The following SLC30A9 variants were observed in gnomAD, a reference collection of about 807,000 sequenced individuals.
The protein encoded by SLC30A9 is solute carrier family 30 member 9.
Under a neutral mutation model 87.5 loss-of-function variants are expected in SLC30A9, and 58 were observed. That is an observed-to-expected ratio of 0.66 (90% CI 0.54 to 0.82). The LOEUF is 0.82. Among genes scored for constraint, SLC30A9 ranks in the 40% least tolerant of loss-of-function variants. SLC30A9 has a pLI of 0.00. For missense variants in SLC30A9, 557 were observed against 679.1 expected (o/e 0.82, Z 2.00); for synonymous variants, 234 against 233.0 (o/e 1.00, Z -0.04).
At chr4:42,023,422 A>T in intron 6 of SLC30A9, 38 bp downstream of exon 6, 5 of 1,326,062 alleles carry the variant, frequency 3.8e-6, no homozygotes, top group Non-Finnish European at 5.4e-6. Flanking sequence ...TAATTGAAAA[A>T]TAACTTGTAG....
At chr4:42,030,138 C>G (rs1716362708) in intron 6 of SLC30A9, 1 of 887,006 alleles carries the variant, frequency 1.1e-6, no homozygotes, top group African/African-American at 1.7e-5. Flanking sequence ...AAGCACAAAT[C>G]TTTCCCGCTA....
rs966806163 is a variant in SLC30A9, at chr4:42,033,810, T to C, written c.611-1465T>C. On this transcript the variant is annotated intron_variant, in intron 6 of 17. Coordinates refer to ENST00000264451, the MANE Select transcript of SLC30A9 (RefSeq NM_006345.4). ...CAGGATGGTCTCGATGATCTGACCTTGTGATCCACCCGCCTTGGCCTCCCA... is the reference window on the plus strand; with the variant it reads ...CAGGATGGTCTCGATGATCTGACCTCGTGATCCACCCGCCTTGGCCTCCCA... 3.2e-4 allele frequency among the ~76,000 whole-genome samples: 48 copies of C among 152,274 alleles called. No homozygotes were observed. In the East Asian group the frequency reaches 4.1e-3, roughly 13 times the overall value.
Position 42,086,422 on chromosome 4 carries a change from C to G in SLC30A9, c.*296C>G, listed in dbSNP as rs1443618476. 1 of 254,016 alleles carries G rather than the reference C, an allele frequency of 3.9e-6. No homozygotes were observed. Among genetic ancestry groups the G allele is most frequent in the Non-Finnish European group, 7.4e-6 (1 of 134,654 alleles). The allele number at this position is 254,016 out of a possible 1,614,324, so 15.7% of individuals were successfully genotyped here. On this transcript the variant is annotated 3_prime_UTR_variant, in exon 18 of 18. Coordinates refer to ENST00000264451, the MANE Select transcript of SLC30A9 (RefSeq NM_006345.4). ...CATAATGTCCCATATTTCACCTGTT[C>G]AGTGTATACTGTACTTTGCAATCAT...
At chr4:42,077,846 C>A (rs1232375588) in intron 16 of SLC30A9, among the ~76,000 whole-genome samples, 1 of 151,608 alleles carries the variant, frequency 6.6e-6, no homozygotes, top group Non-Finnish European at 1.5e-5. Flanking sequence ...TAAAAATATT[C>A]TCTTCTCATC....
intron 2 of SLC30A9, among the ~76,000 whole-genome samples, chr4:42,007,371 C>T (rs1433255151): frequency 6.6e-6 from 1 of 152,044 alleles, no homozygotes; most frequent in Non-Finnish European, 1.5e-5. Context: ...TTATAGGTGC[C>T]TATGGAAGGT....
At chr4:42,005,207 G>A (rs2581449) in intron 2 of SLC30A9, among the ~76,000 whole-genome samples, 98,499 of 151,910 alleles carry the variant, frequency 0.65, 36,037 homozygotes, top group East Asian at 0.96. Context: ...TGATGTTTTT[G>A]TATCTTGAAA....
intron 1 of SLC30A9, among the ~76,000 whole-genome samples, chr4:41,994,160 G>T (rs200448723): frequency 0.059 from 4,306 of 73,362 alleles, 106 homozygotes; most frequent in Middle Eastern, 0.15. Flanking sequence ...CATCTCAAAA[G>T]AAAAAAAAAA....
At chr4:42,061,744 A>G (rs1043681268) in intron 10 of SLC30A9, among the ~76,000 whole-genome samples, 5 of 151,554 alleles carry the variant, frequency 3.3e-5, no homozygotes, top group African/African-American at 1.2e-4. Context: ...CTGACAAAAC[A>G]AAAAAATTAG....
intron 8 of SLC30A9, among the ~76,000 whole-genome samples, chr4:42,045,765 C>G (rs1717124638): frequency 6.7e-6 from 1 of 150,306 alleles, no homozygotes; most frequent in Non-Finnish European, 1.5e-5. Context: ...CAGAGACACA[C>G]AAAAAAAAGA....
At chr4:42,050,799 ATC>A (rs1286984484) in intron 9 of SLC30A9, among the ~76,000 whole-genome samples, 2 of 152,208 alleles carry the variant, frequency 1.3e-5, no homozygotes, top group East Asian at 3.8e-4. Context: ...GAACTCTCTG[ATC>A]TCTCTGGCTT....
At chr4:42,023,571 G>T (rs1716064913) in intron 6 of SLC30A9, among the ~76,000 whole-genome samples, 187 bp downstream of exon 6, 1 of 152,264 alleles carries the variant, frequency 6.6e-6, no homozygotes, top group Admixed American at 6.5e-5. Flanking sequence ...GTTTTCTCCT[G>T]TATAGCTTTT....
rs1398807193 is a variant in SLC30A9 at position 42,001,603 on chromosome 4, T to TA, written c.110-13_110-12insA. ...TTGGTTTGAAATTAAAGTATATATATTTTTTCTTTTAGAGTGGCAGAATTT... is the reference window on the plus strand; with the variant it reads ...TTGGTTTGAAATTAAAGTATATATATATTTTTCTTTTAGAGTGGCAGAATTT... On this transcript the variant is annotated splice_polypyrimidine_tract_variant and intron_variant, in intron 1 of 17. Coordinates refer to ENST00000264451, the MANE Select transcript of SLC30A9 (RefSeq NM_006345.4). The TA allele has an allele frequency of 2.6e-6, 4 of 1,541,322 alleles. No individual in the cohort carries two copies. The highest frequency in any genetic ancestry group is 3.5e-6 in the Non-Finnish European group (4 of 1,127,050).
chr4:42,053,956 C>T (rs370888829), intron 9 of SLC30A9, among the ~76,000 whole-genome samples: 29 of 152,114 alleles, frequency 1.9e-4, no homozygotes, highest in African/African-American at 5.8e-4. Flanking sequence ...CGTCTGATGT[C>T]GGGGAGGAAA....
chr4:41,996,287 G>T (rs1714701888), intron 1 of SLC30A9, among the ~76,000 whole-genome samples: 1 of 151,282 alleles, frequency 6.6e-6, no homozygotes. Context: ...GTAGAGATGG[G>T]GTTTTTCCAT....
chr4:42,031,893 T>C (rs1367922763), intron 6 of SLC30A9, among the ~76,000 whole-genome samples: 2 of 152,228 alleles, frequency 1.3e-5, no homozygotes, highest in African/African-American at 4.8e-5. Context: ...TCTAGCTGTT[T>C]AGTCAGTTCT....
At chr4:42,051,202 C>G (rs1404797185) in intron 9 of SLC30A9, among the ~76,000 whole-genome samples, 3 of 152,180 alleles carry the variant, frequency 2.0e-5, no homozygotes, top group African/African-American at 7.2e-5. Context: ...CTAAATTATT[C>G]TTAACGTAAA....
intron 15 of SLC30A9, among the ~76,000 whole-genome samples, 175 bp from the exon 16 acceptor site, chr4:42,075,482 C>T (rs199999609): frequency 4.6e-5 from 7 of 151,608 alleles, no homozygotes; most frequent in South Asian, 2.1e-4. Context: ...AAAAGCTAAA[C>T]GGACAGGCCT....
At position 42,061,496 on chromosome 4, in the gene SLC30A9, AT is replaced by A. The variant is rs764983615; in HGVS notation, c.896+1255del. Among the ~76,000 whole-genome samples, 100 of 152,234 alleles carry A rather than the reference AT, an allele frequency of 6.6e-4. 1 individual carries two copies. In the Middle Eastern group the frequency reaches 0.014, roughly 21 times the overall value. On this transcript the variant is annotated intron_variant, in intron 10 of 17. Coordinates refer to ENST00000264451, the MANE Select transcript of SLC30A9 (RefSeq NM_006345.4). ...TTCATGTTACTTTAGAAGAAAGTAA[AT>A]TTTTCTGAGTGAGCTGATTGTCACA...
intron 9 of SLC30A9, among the ~76,000 whole-genome samples, chr4:42,055,039 C>G (rs906424471): frequency 6.6e-6 from 1 of 151,894 alleles, no homozygotes; most frequent in African/African-American, 2.4e-5. Context: ...AATGTTCTAT[C>G]AGGGCCGGGC....
Sources: gnomAD v4.1 joint callset for allele counts (sites outside exome capture counted in the v4.1 genomes callset) on GRCh38, gnomAD v4.1.1 for gene constraint, MANE v1.5 for transcripts, NCBI Gene and HGNC (gene_info 2026-07-23, HGNC 2026-07-21) for gene names.